Variants in DECR1 observed in about 807,000 individuals in gnomAD.
The protein encoded by DECR1 is 2,4-dienoyl-CoA reductase 1.
Under a neutral mutation model 38.8 loss-of-function variants are expected in DECR1, and 44 were observed. The ratio of observed to expected loss-of-function variants is 1.13; its 90% CI spans 0.89 to 1.46. The LOEUF (loss-of-function observed/expected upper bound fraction) is 1.46. DECR1 is among the 40% of genes most tolerant of loss of function. The pLI, the probability that DECR1 is intolerant of heterozygous loss-of-function variation, is 0.00. For synonymous variants in DECR1, 148 were observed against 135.2 expected (o/e 1.09, Z -0.66); for missense variants, 428 against 405.5 (o/e 1.06, Z -0.48).
chr8:90,031,372 A>G (rs1027405939), intron 5 of DECR1, among the ~76,000 whole-genome samples: 1 of 152,164 alleles, frequency 6.6e-6, no homozygotes, highest in Non-Finnish European at 1.5e-5. Flanking sequence ...CAAGGGGACT[A>G]TCAACTATCT....
At chr8:90,014,684 G>A (rs1251659557) in intron 1 of DECR1, among the ~76,000 whole-genome samples, 1 of 152,084 alleles carries the variant, frequency 6.6e-6, no homozygotes, top group African/African-American at 2.4e-5. Flanking sequence ...CAAATATCTT[G>A]TTTAATTATT....
chr8:90,040,913 G>T (rs933597288), intron 6 of DECR1, among the ~76,000 whole-genome samples: 1 of 152,112 alleles, frequency 6.6e-6, no homozygotes, highest in South Asian at 2.1e-4. Context: ...TTGCTATTAA[G>T]AACAGTGCTG....
At chr8:90,005,580 C>T in intron 1 of DECR1, 1 of 379,250 alleles carries the variant, frequency 2.6e-6, no homozygotes, top group Non-Finnish European at 5.2e-6. Context: ...GAACATTGTC[C>T]TCTGAAGGCA....
chr8:90,019,221 A>G, intron 4 of DECR1, 49 bp downstream of exon 4: 9 of 1,359,950 alleles, frequency 6.6e-6, no homozygotes, highest in Non-Finnish European at 9.5e-6. Context: ...TGATGTTGAT[A>G]ACACCCACCA....
chr8:90,008,015 A>C (rs1812787673), intron 1 of DECR1, among the ~76,000 whole-genome samples: 1 of 152,200 alleles, frequency 6.6e-6, no homozygotes, highest in South Asian at 2.1e-4. Context: ...AGGCTTTCAT[A>C]ATTGCTGGAA....
At chr8:90,036,381 G>T (rs561175460) in intron 5 of DECR1, among the ~76,000 whole-genome samples, 5 of 152,226 alleles carry the variant, frequency 3.3e-5, no homozygotes, top group African/African-American at 1.2e-4. Flanking sequence ...CTGCTGTGCA[G>T]TATCTGTATA....
intron 5 of DECR1, among the ~76,000 whole-genome samples, chr8:90,026,559 C>A (rs750821881): frequency 1.5e-4 from 23 of 152,006 alleles, no homozygotes; most frequent in South Asian, 2.1e-4. Flanking sequence ...TCTGTGGGAT[C>A]GGTGGTGATA....
intron 5 of DECR1, among the ~76,000 whole-genome samples, chr8:90,021,782 G>A (rs1813169979): frequency 6.6e-6 from 1 of 152,134 alleles, no homozygotes; most frequent in African/African-American, 2.4e-5. Context: ...TTTTAGATGG[G>A]ATGAAGAGTC....
At chr8:90,011,314 A>G (rs1402158353) in intron 1 of DECR1, among the ~76,000 whole-genome samples, 2 of 152,280 alleles carry the variant, frequency 1.3e-5, no homozygotes, top group East Asian at 3.9e-4. Context: ...ATATAACTGT[A>G]TTTTGTAATA....
chr8:90,032,757 C>A (rs1813529100), intron 5 of DECR1, among the ~76,000 whole-genome samples: 1 of 152,146 alleles, frequency 6.6e-6, no homozygotes, highest in East Asian at 1.9e-4. Context: ...CCCTGACCTA[C>A]CGGCCGTTCA....
chr8:90,013,701 G>A (rs1276606862), intron 1 of DECR1, among the ~76,000 whole-genome samples: 2 of 151,958 alleles, frequency 1.3e-5, no homozygotes, highest in Non-Finnish European at 2.9e-5. Flanking sequence ...TAAAAACTTT[G>A]GGCTCAAGTT....
rs1301661557 is a variant in DECR1, at chr8:90,052,261, A to G, written c.*364A>G. On this transcript the variant is annotated 3_prime_UTR_variant, in exon 10 of 10. Transcript: ENST00000220764. ...TTGAGTTACATAATATACTATACCT[A>G]TATTAATAGGGCCTAAAAGAAAGAA... 6.6e-6 allele frequency among the ~76,000 whole-genome samples: 1 copy of G among 152,208 alleles called. No individual in the cohort carries two copies. Among genetic ancestry groups the G allele is most frequent in the Non-Finnish European group, 1.5e-5 (1 of 68,004 alleles).
intron 1 of DECR1, among the ~76,000 whole-genome samples, chr8:90,010,948 GA>G (rs531102337): frequency 4.0e-5 from 6 of 151,744 alleles, no homozygotes; most frequent in South Asian, 4.2e-4. Context: ...TATTGTTAAA[GA>G]AAAAAAATTT....
At chr8:90,024,472 T>C (rs1249400448) in intron 5 of DECR1, among the ~76,000 whole-genome samples, 1 of 152,240 alleles carries the variant, frequency 6.6e-6, no homozygotes, top group Admixed American at 6.5e-5. Context: ...TGGCCAGTGA[T>C]GATGAGCATT....
At chr8:90,036,166 T>C (rs1300386924) in intron 5 of DECR1, among the ~76,000 whole-genome samples, 1 of 152,176 alleles carries the variant, frequency 6.6e-6, no homozygotes, top group Non-Finnish European at 1.5e-5. Context: ...CTCTGCCTAC[T>C]TTCCTCCTTG....
chr8:90,030,347 G>T (rs944084497), intron 5 of DECR1: 2 of 152,176 alleles, frequency 1.3e-5, no homozygotes, highest in African/African-American at 2.4e-5. Context: ...GTTTCATGTT[G>T]TAAGTCTCCT....
At position 90,050,176 on chromosome 8, in the gene DECR1, T is replaced by C. The variant is rs1292294218; in HGVS notation, c.886-1501T>C. Reference sequence around the variant, plus strand: ...GGCCACAAAAGCCAAAATAGACAAATGAGATCTAATTAAACTAAAGAGCCT... The same window carrying C: ...GGCCACAAAAGCCAAAATAGACAAACGAGATCTAATTAAACTAAAGAGCCT... On this transcript the variant is annotated intron_variant, in intron 8 of 9. Transcript: ENST00000220764. 5.3e-5 allele frequency among the ~76,000 whole-genome samples: 8 copies of C among 152,158 alleles called. No individual in the cohort carries two copies. In the East Asian group the frequency reaches 5.8e-4, roughly 11 times the overall value.
chr8:90,037,060 C>T, intron 6 of DECR1, 120 bp downstream of exon 6: 1 of 666,748 alleles, frequency 1.5e-6, no homozygotes. Context: ...CTTGGATTCA[C>T]CATGAGACAT....
chr8:90,015,099 G>A (rs1812973777), intron 1 of DECR1, among the ~76,000 whole-genome samples: 1 of 151,654 alleles, frequency 6.6e-6, no homozygotes, highest in Non-Finnish European at 1.5e-5. Context: ...TTTTCTGCTT[G>A]TAAAGATCTA....
Sources: allele counts gnomAD v4.1 joint callset (sites outside exome capture counted in the v4.1 genomes callset), GRCh38; gene constraint gnomAD v4.1.1; transcripts MANE v1.5; gene names NCBI Gene and HGNC (gene_info 2026-07-23, HGNC 2026-07-21).